The following STX17 variants were observed in gnomAD, a reference collection of about 807,000 sequenced individuals.
The protein encoded by STX17 is syntaxin-17.
In STX17, 29 loss-of-function variants were observed where a neutral mutation model predicts 35.9. The observed-to-expected ratio is 0.81, with a 90% CI of 0.60 to 1.10. The LOEUF (loss-of-function observed/expected upper bound fraction) is 1.10, where lower values mean the gene tolerates loss of function less well. Among genes scored for constraint, STX17 ranks in the 50% least tolerant of loss-of-function variants. The pLI is 0.00. For missense variants in STX17, 312 were observed against 352.3 expected, an observed-to-expected ratio of 0.89 and a Z score of 0.92; for synonymous variants, 92 against 118.3, an observed-to-expected ratio of 0.78 and a Z score of 1.44.
intron 2 of STX17, chr9:99,916,209 G>T: frequency 2.6e-6 from 1 of 386,856 alleles, no homozygotes; most frequent in Non-Finnish European, 5.1e-6. Context: ...TATGATAGAG[G>T]TTGCATAGAA....
chr9:99,936,449 G>C (rs775626320), intron 3 of STX17, among the ~76,000 whole-genome samples: 4 of 152,012 alleles, frequency 2.6e-5, no homozygotes, highest in Non-Finnish European at 5.9e-5. Flanking sequence ...TGATGTTTCT[G>C]TTTTCTTTTG....
chr9:99,942,353 A>G (rs1346496585), intron 3 of STX17, among the ~76,000 whole-genome samples: 1 of 152,058 alleles, frequency 6.6e-6, no homozygotes, highest in African/African-American at 2.4e-5. Context: ...TTTATCAGTT[A>G]TATGTGTTGC....
chr9:99,960,426 C>T (rs576758555), intron 6 of STX17, among the ~76,000 whole-genome samples: 1 of 151,494 alleles, frequency 6.6e-6, no homozygotes, highest in Non-Finnish European at 1.5e-5. Flanking sequence ...CATTCTCTGC[C>T]TTTGAAGATT....
At chr9:99,933,009 G>A (rs572685839) in intron 3 of STX17, among the ~76,000 whole-genome samples, 1 of 152,048 alleles carries the variant, frequency 6.6e-6, no homozygotes, top group Non-Finnish European at 1.5e-5. Flanking sequence ...GCTTGTTCAA[G>A]AAATCCTCTC....
intron 3 of STX17, among the ~76,000 whole-genome samples, chr9:99,949,966 CT>C (rs1021406233): frequency 2.3e-4 from 34 of 150,762 alleles, no homozygotes; most frequent in African/African-American, 6.8e-4. Flanking sequence ...CACACACACA[CT>C]CCTATGTGCT....
At chr9:99,943,801 G>A (rs563581467) in intron 3 of STX17, among the ~76,000 whole-genome samples, 15 of 152,132 alleles carry the variant, frequency 9.9e-5, no homozygotes, top group Non-Finnish European at 2.1e-4. Context: ...CTTAAGTTTC[G>A]TTTCAAGGTT....
chr9:99,912,025 G>A (rs1408264903), intron 1 of STX17, among the ~76,000 whole-genome samples: 1 of 152,148 alleles, frequency 6.6e-6, no homozygotes, highest in African/African-American at 2.4e-5. Context: ...TCAGGAGTTC[G>A]AGACCAGCTT....
At chr9:99,956,560 T>C (rs747905476) in intron 4 of STX17, among the ~76,000 whole-genome samples, 3 of 152,224 alleles carry the variant, frequency 2.0e-5, no homozygotes, top group Non-Finnish European at 4.4e-5. Context: ...AGTGTCTTTA[T>C]GGCAATAATG....
intron 4 of STX17, among the ~76,000 whole-genome samples, chr9:99,959,415 G>A (rs1365501886): frequency 3.4e-5 from 5 of 148,152 alleles, no homozygotes; most frequent in Non-Finnish European, 7.5e-5. Flanking sequence ...AAAAAAAAAT[G>A]TGTTAACTAA....
Position 99,951,078 on chromosome 9 carries a change from C to G in STX17, c.208C>G (p.Arg70Gly). The G allele has an allele frequency of 6.2e-7, 1 of 1,608,690 alleles. No individual in the cohort carries two copies. The highest frequency in any genetic ancestry group is 1.1e-5 in the South Asian group (1 of 90,082). The change falls in exon 4 of 8, where the codon CGA becomes GGA. Residue 70 changes from arginine (R) to glycine (G), a missense_variant. By Grantham distance (125) the Arg-to-Gly change is moderately radical (BLOSUM62 -2). Transcript: ENST00000259400. ...RTVQQLRSNI[R>G]EIEKLCLKVR... ...TTTATAGCAACTCCGATCCAATATCCGAGAAATTGAGAAACTTTGTTTGAA... is the reference window on the plus strand; with the variant it reads ...TTTATAGCAACTCCGATCCAATATCGGAGAAATTGAGAAACTTTGTTTGAA...
In STX17 at chr9:99,974,012, TAGTC is replaced by T. The variant is rs549841601; in HGVS notation, c.*5342_*5345del. ...AAATAATTTCTATATTACTTTATAATAGTCAGCTGGGGGTTATTTAAGCTCTTGG... is the reference window on the plus strand; with the variant it reads ...AAATAATTTCTATATTACTTTATAATAGCTGGGGGTTATTTAAGCTCTTGG... On this transcript the variant is annotated 3_prime_UTR_variant, in exon 8 of 8. Transcript: ENST00000259400. Among the ~76,000 whole-genome samples, 11 of 152,354 alleles carry T rather than the reference TAGTC, an allele frequency of 7.2e-5. No homozygotes were observed. In the East Asian group the frequency reaches 1.9e-3, roughly 27 times the overall value.
chr9:99,962,642 A>G (rs560508595), intron 6 of STX17, among the ~76,000 whole-genome samples: 9 of 152,342 alleles, frequency 5.9e-5, no homozygotes, highest in East Asian at 1.9e-4. Context: ...AGATAGTTAC[A>G]TGTTTGATTA....
At chr9:99,924,514 G>A (rs778590308) in intron 2 of STX17, among the ~76,000 whole-genome samples, 9 of 152,062 alleles carry the variant, frequency 5.9e-5, no homozygotes, top group Non-Finnish European at 8.8e-5. Context: ...TGTTGGTTTT[G>A]TATTTTTGAT....
intron 2 of STX17, among the ~76,000 whole-genome samples, chr9:99,916,985 G>A (rs531695347): frequency 2.0e-5 from 3 of 152,306 alleles, no homozygotes; most frequent in African/African-American, 7.2e-5. Flanking sequence ...AAAGCCAGGT[G>A]GGTGGGGATA....
At chr9:99,910,139 A>G (rs1037977082) in intron 1 of STX17, among the ~76,000 whole-genome samples, 2 of 152,058 alleles carry the variant, frequency 1.3e-5, no homozygotes, top group Non-Finnish European at 2.9e-5. Context: ...AGGCTGAGGC[A>G]GGAGAGTCAC....
chr9:99,959,034 T>C (rs1372273684), intron 4 of STX17, among the ~76,000 whole-genome samples: 2 of 152,178 alleles, frequency 1.3e-5, no homozygotes, highest in Non-Finnish European at 2.9e-5. Flanking sequence ...CTTCCCTGCT[T>C]TCAACACCTT....
intron 3 of STX17, among the ~76,000 whole-genome samples, chr9:99,948,387 A>T (rs1043487883): frequency 1.2e-4 from 18 of 152,084 alleles, no homozygotes; most frequent in East Asian, 5.8e-4. Flanking sequence ...AATGTAATTT[A>T]AAAAATTTTT....
Position 99,970,468 on chromosome 9 carries a change from T to C in STX17, c.*1795T>C, listed in dbSNP as rs1183559832. 1 of 152,200 alleles carries C rather than the reference T, an allele frequency of 6.6e-6. No homozygotes were observed. Among genetic ancestry groups the C allele is most frequent in the African/African-American group, 2.4e-5 (1 of 41,438 alleles). The allele number at this position is 152,200 out of a possible 1,614,324, so 9.4% of individuals were successfully genotyped here. ...ATATTGGACACCTGTGAGGCTGGGATAATTACTTTTGAATTACACCTCTTC... is the reference window on the plus strand; with the variant it reads ...ATATTGGACACCTGTGAGGCTGGGACAATTACTTTTGAATTACACCTCTTC... On this transcript the variant is annotated 3_prime_UTR_variant, in exon 8 of 8. Transcript: ENST00000259400.
chr9:99,907,379 C>G (rs1368578635), intron 1 of STX17: 2 of 152,222 alleles, frequency 1.3e-5, no homozygotes, highest in Non-Finnish European at 2.9e-5. Context: ...AGTGGGAGCT[C>G]TGGGCCGATG....
Sources: allele counts gnomAD v4.1 joint callset (sites outside exome capture counted in the v4.1 genomes callset), GRCh38; gene constraint gnomAD v4.1.1; transcripts MANE v1.5; gene names NCBI Gene and HGNC (gene_info 2026-07-23, HGNC 2026-07-21).